RGS22: variants seen among roughly 807,000 people sequenced by gnomAD.
The protein encoded by RGS22 is regulator of G-protein signaling 22.
RGS22 carries 148 observed loss-of-function variants against 172.9 expected under a neutral mutation model. The ratio of observed to expected loss-of-function variants is 0.86; its 90% CI spans 0.75 to 0.98. The LOEUF (loss-of-function observed/expected upper bound fraction) is 0.98, where lower values mean the gene tolerates loss of function less well. Among genes scored for constraint, RGS22 ranks in the 50% least tolerant of loss-of-function variants. The pLI is 0.00. For synonymous variants in RGS22, 458 were observed against 480.2 expected (o/e 0.95, Z 0.60); for missense variants, 1,347 against 1,440.8 (o/e 0.93, Z 1.05).
At chr8:100,097,907 C>A (rs1444729321) in intron 2 of RGS22, among the ~76,000 whole-genome samples, 2 of 152,194 alleles carry the variant, frequency 1.3e-5, no homozygotes, top group Non-Finnish European at 2.9e-5. Context: ...ATCTCCAATC[C>A]TTTTCTACTA....
chr8:100,088,891 C>CA (rs1199171493), intron 3 of RGS22, among the ~76,000 whole-genome samples: 1 of 151,988 alleles, frequency 6.6e-6, no homozygotes, highest in African/African-American at 2.4e-5. Context: ...TCTATATCTA[C>CA]ACTCTAGGGC....
chr8:100,067,979 G>T (rs1214839069), intron 6 of RGS22, among the ~76,000 whole-genome samples: 1 of 152,044 alleles, frequency 6.6e-6, no homozygotes, highest in Non-Finnish European at 1.5e-5. Context: ...AGGGCTCAAA[G>T]AAATATTACC....
At chr8:100,001,082 T>C (rs1168229609) in intron 18 of RGS22, among the ~76,000 whole-genome samples, 1 of 151,368 alleles carries the variant, frequency 6.6e-6, no homozygotes, top group Non-Finnish European at 1.5e-5. Context: ...GAATGTAATA[T>C]TAACAAACTT....
chr8:100,047,115 A>G (rs1466539674), intron 11 of RGS22, among the ~76,000 whole-genome samples: 1 of 152,194 alleles, frequency 6.6e-6, no homozygotes, highest in Non-Finnish European at 1.5e-5. Flanking sequence ...GTGTCTGGTC[A>G]GTAACAATAT....
At chr8:100,057,610 C>T (rs1163375301) in intron 9 of RGS22, among the ~76,000 whole-genome samples, 1 of 152,072 alleles carries the variant, frequency 6.6e-6, no homozygotes, top group Non-Finnish European at 1.5e-5. Flanking sequence ...AATGGGAGGT[C>T]CCCTGCACAA....
At chr8:100,008,617 A>C (rs1381845407) in intron 14 of RGS22, 48 bp from the exon 15 acceptor site, 1 of 1,453,562 alleles carries the variant, frequency 6.9e-7, no homozygotes, top group Non-Finnish European at 9.4e-7. Context: ...AGAAGCCACA[A>C]TGGTTAGCAG....
chr8:99,989,582 G>A (rs1320781998), intron 20 of RGS22, among the ~76,000 whole-genome samples: 3 of 152,116 alleles, frequency 2.0e-5, no homozygotes, highest in Admixed American at 6.5e-5. Context: ...GTTGGCTCAC[G>A]CCTGTAATCC....
chr8:99,995,324 C>G (rs866785555), intron 20 of RGS22, among the ~76,000 whole-genome samples: 9 of 152,252 alleles, frequency 5.9e-5, no homozygotes, highest in Middle Eastern at 3.4e-3. Context: ...TCAGAGTGAA[C>G]AGGCAACCTA....
chr8:100,052,367 T>C (rs1231350727), intron 10 of RGS22, among the ~76,000 whole-genome samples: 2 of 150,326 alleles, frequency 1.3e-5, no homozygotes, highest in Non-Finnish European at 3.0e-5. Flanking sequence ...AGTGGCGCTA[T>C]CTCGGCTCAC....
At chr8:100,001,202 T>TTATATATATATATATATACACA (rs1815018940) in intron 18 of RGS22, among the ~76,000 whole-genome samples, 16 of 124,780 alleles carry the variant, frequency 1.3e-4, no homozygotes, top group African/African-American at 4.9e-4. Flanking sequence ...TCCCAATTTT[T>TTATATATATATATATATACACA]TATATATATA....
intron 14 of RGS22, among the ~76,000 whole-genome samples, chr8:100,022,205 G>A (rs1817664543): frequency 6.7e-6 from 1 of 148,532 alleles, no homozygotes; most frequent in South Asian, 2.1e-4. Context: ...GATACCAAGA[G>A]GCAAACTACT....
intron 2 of RGS22, among the ~76,000 whole-genome samples, chr8:100,098,824 CT>C (rs1312488974): frequency 5.5e-5 from 8 of 146,770 alleles, no homozygotes; most frequent in Non-Finnish European, 1.2e-4. Flanking sequence ...TCCCCTGCCC[CT>C]GACCCCCTTT....
At chr8:99,967,544 G>C (rs1181272333) in intron 23 of RGS22, among the ~76,000 whole-genome samples, 1 of 152,154 alleles carries the variant, frequency 6.6e-6, no homozygotes, top group Non-Finnish European at 1.5e-5. Context: ...AGCTTGGTAG[G>C]GGGAGGGGCG....
intron 16 of RGS22, 28 bp downstream of exon 16, chr8:100,005,989 T>C (rs1453076663): frequency 1.3e-6 from 2 of 1,578,938 alleles, no homozygotes; most frequent in Admixed American, 1.7e-5. Flanking sequence ...ATAAAAAGTT[T>C]GTTTTTCTAA....
chr8:100,062,387 T>A (rs1047707369), intron 9 of RGS22, among the ~76,000 whole-genome samples: 1 of 151,922 alleles, frequency 6.6e-6, no homozygotes, highest in African/African-American at 2.4e-5. Flanking sequence ...AAAGGCAACT[T>A]AAATACTGTC....
At chr8:100,009,559 A>G (rs892971877) in intron 14 of RGS22, among the ~76,000 whole-genome samples, 3 of 152,186 alleles carry the variant, frequency 2.0e-5, no homozygotes, top group African/African-American at 7.2e-5. Flanking sequence ...GAAGCAATTT[A>G]ATAACATTTT....
intron 6 of RGS22, among the ~76,000 whole-genome samples, chr8:100,068,963 A>AG (rs11411510): frequency 5.1e-4 from 77 of 151,432 alleles, no homozygotes; most frequent in Admixed American, 1.1e-3. Context: ...AGAAGAAAAA[A>AG]TACTTAAAAT....
intron 3 of RGS22, among the ~76,000 whole-genome samples, chr8:100,086,351 A>G (rs1247123059): frequency 6.6e-6 from 1 of 152,116 alleles, no homozygotes; most frequent in African/African-American, 2.4e-5. Flanking sequence ...CTCAACTTAC[A>G]CTGTTGAACC....
chr8:99,986,788 T>C (rs921456327), intron 21 of RGS22, among the ~76,000 whole-genome samples: 54 of 152,338 alleles, frequency 3.5e-4, no homozygotes, highest in African/African-American at 1.3e-3. Flanking sequence ...CATAATCCAG[T>C]ATCTTTGATT....
Sources: gnomAD v4.1 joint callset for allele counts (sites outside exome capture counted in the v4.1 genomes callset) on GRCh38, gnomAD v4.1.1 for gene constraint, MANE v1.5 for transcripts, NCBI Gene and HGNC (gene_info 2026-07-23, HGNC 2026-07-21) for gene names.